SPIRE1: variants seen among roughly 807,000 people sequenced by gnomAD.
SPIRE1 encodes spire type actin nucleation factor 1, also known as protein spire homolog 1.
SPIRE1 carries 40 observed loss-of-function variants against 94.1 expected under a neutral mutation model. The observed-to-expected ratio is 0.43, with a 90% CI of 0.33 to 0.55. The LOEUF (loss-of-function observed/expected upper bound fraction) is 0.55, where lower values mean the gene tolerates loss of function less well. Ranked by LOEUF, SPIRE1 falls within the 20% of genes least tolerant of loss-of-function variation. The pLI, the probability that SPIRE1 is intolerant of heterozygous loss-of-function variation, is 0.06. For missense variants in SPIRE1, 838 were observed against 975.2 expected (o/e 0.86, Z 1.87); for synonymous variants, 376 against 371.7 (o/e 1.01, Z -0.13).
intron 9 of SPIRE1, among the ~76,000 whole-genome samples, chr18:12,482,253 C>T (rs2032869950): frequency 6.6e-6 from 1 of 152,166 alleles, no homozygotes; most frequent in Admixed American, 6.5e-5. Flanking sequence ...AGCGATTCTC[C>T]TGCCTCAGCC....
At chr18:12,618,465 T>C (rs866389974) in intron 2 of SPIRE1, among the ~76,000 whole-genome samples, 1 of 152,146 alleles carries the variant, frequency 6.6e-6, no homozygotes, top group Non-Finnish European at 1.5e-5. Flanking sequence ...TCTCATGAAC[T>C]TTCTGTTGCT....
chr18:12,453,224 A>G, intron 13 of SPIRE1, 86 bp from the exon 14 acceptor site: 1 of 845,508 alleles, frequency 1.2e-6, no homozygotes, highest in South Asian at 1.7e-5. Context: ...TTACATCTAT[A>G]TATAGGGGAA....
intron 2 of SPIRE1, among the ~76,000 whole-genome samples, chr18:12,615,345 A>AAAAAAAATAAAAAAAAAAAT: frequency 5.8e-5 from 1 of 17,244 alleles, no homozygotes; most frequent in Non-Finnish European, 1.9e-4. Flanking sequence ...AAAAAAAAAA[A>AAAAAAAATAAAAAAAAAAAT]ATATATATAT....
At chr18:12,583,917 A>C (rs549963686) in intron 2 of SPIRE1, among the ~76,000 whole-genome samples, 2 of 152,136 alleles carry the variant, frequency 1.3e-5, no homozygotes, top group African/African-American at 4.8e-5. Context: ...ACAGAGAGAG[A>C]CCTTGTCTCA....
At chr18:12,514,829 A>G (rs1162586228) in intron 4 of SPIRE1, among the ~76,000 whole-genome samples, 1 of 152,198 alleles carries the variant, frequency 6.6e-6, no homozygotes, top group East Asian at 1.9e-4. Flanking sequence ...ATGAATAAAT[A>G]GGTAAAATAA....
chr18:12,577,674 CA>C (rs1245499109), intron 2 of SPIRE1, among the ~76,000 whole-genome samples: 2 of 152,040 alleles, frequency 1.3e-5, no homozygotes, highest in Non-Finnish European at 2.9e-5. Flanking sequence ...TGATCAAAAT[CA>C]AAACTTTTAT....
intron 2 of SPIRE1, among the ~76,000 whole-genome samples, chr18:12,596,098 C>A (rs1340652784): frequency 2.0e-5 from 3 of 152,162 alleles, no homozygotes; most frequent in Non-Finnish European, 2.9e-5. Context: ...CTTTAGCACT[C>A]TAGGTTGTCA....
chr18:12,479,810 C>T lies in SPIRE1; in HGVS notation c.1293G>A (p.Leu431=), dbSNP rs1244790471. 1.9e-6 allele frequency: 3 copies of T among 1,613,976 alleles called. No homozygotes were observed. Among genetic ancestry groups the T allele is most frequent in the African/African-American group, 1.3e-5 (1 of 74,888 alleles). Reference sequence around the variant, plus strand: ...ACCCGTTTTCTTTTGTTTGTGATGTCAAACCTCCATTCACCATAGATGACT... The same window carrying T: ...ACCCGTTTTCTTTTGTTTGTGATGTTAAACCTCCATTCACCATAGATGACT... The part of the protein sequence containing the change: ...LVESSMVNGG[L]TSQTKENGLS... The change falls in exon 10 of 17, where the codon TTG becomes TTA. Residue 431 remains leucine (L), a synonymous_variant. Transcript: ENST00000409402.
intron 2 of SPIRE1, among the ~76,000 whole-genome samples, chr18:12,571,338 G>A (rs2035955928): frequency 6.6e-6 from 1 of 152,112 alleles, no homozygotes; most frequent in African/African-American, 2.4e-5. Flanking sequence ...GCCTCCCAAA[G>A]TGCTGGGATT....
chr18:12,603,110 G>T (rs2036883127), intron 2 of SPIRE1, among the ~76,000 whole-genome samples: 1 of 152,174 alleles, frequency 6.6e-6, no homozygotes, highest in Non-Finnish European at 1.5e-5. Context: ...TTAGCCCATG[G>T]TTGGGCAAAA....
intron 12 of SPIRE1, among the ~76,000 whole-genome samples, chr18:12,461,413 T>C (rs2031790574): frequency 1.7e-5 from 1 of 59,578 alleles, no homozygotes. Flanking sequence ...TATACACATG[T>C]ATGTGTGTGT....
chr18:12,641,655 C>G (rs2038090105), intron 1 of SPIRE1, among the ~76,000 whole-genome samples: 1 of 151,894 alleles, frequency 6.6e-6, no homozygotes, highest in Admixed American at 6.6e-5. Context: ...GCGTGAGCCA[C>G]CACACCCAGC....
At chr18:12,525,656 TAC>T (rs1305722967) in intron 4 of SPIRE1, among the ~76,000 whole-genome samples, 5 of 152,098 alleles carry the variant, frequency 3.3e-5, no homozygotes, top group African/African-American at 1.2e-4. Context: ...TTCGTGACTA[TAC>T]ACACGGGAAC....
At chr18:12,501,072 C>CAAAAAAAAAAA (rs67894900) in intron 6 of SPIRE1, among the ~76,000 whole-genome samples, 579 of 80,078 alleles carry the variant, frequency 7.2e-3, no homozygotes, top group Middle Eastern at 0.034. Context: ...AACTCTGTCT[C>CAAAAAAAAAAA]AAAAAAAAAA....
chr18:12,467,696 A>C (rs34215298), intron 10 of SPIRE1, among the ~76,000 whole-genome samples: 16,138 of 152,298 alleles, frequency 0.11, 1,233 homozygotes, highest in Middle Eastern at 0.22. Flanking sequence ...TCACGCCTGT[A>C]ATCCCAGCAC....
intron 11 of SPIRE1, among the ~76,000 whole-genome samples, chr18:12,464,615 C>T (rs1437999653): frequency 2.6e-5 from 4 of 152,168 alleles, no homozygotes; most frequent in Admixed American, 2.0e-4. Context: ...GAACGCTACA[C>T]ACACAACTGA....
At chr18:12,624,268 A>C (rs62097152) in intron 2 of SPIRE1, among the ~76,000 whole-genome samples, 84,289 of 150,278 alleles carry the variant, frequency 0.56, 24,754 homozygotes, top group Middle Eastern at 0.75. Context: ...CATGGCTGGG[A>C]GTGGTGGCTC....
intron 4 of SPIRE1, among the ~76,000 whole-genome samples, 156 bp downstream of exon 4, chr18:12,535,320 T>C (rs565267811): frequency 3.3e-5 from 5 of 152,372 alleles, no homozygotes; most frequent in African/African-American, 1.2e-4. Flanking sequence ...AAGTTGCTTC[T>C]TTCCTAAATG....
At chr18:12,461,500 A>C (rs1409376474) in intron 12 of SPIRE1, among the ~76,000 whole-genome samples, 1 of 149,482 alleles carries the variant, frequency 6.7e-6, no homozygotes, top group Non-Finnish European at 1.5e-5. Context: ...GTATGCACGT[A>C]CATATGTACG....
Sources: gnomAD v4.1 joint callset for allele counts (sites outside exome capture counted in the v4.1 genomes callset) on GRCh38, gnomAD v4.1.1 for gene constraint, MANE v1.5 for transcripts, NCBI Gene and HGNC (gene_info 2026-07-23, HGNC 2026-07-21) for gene names.